The following HOGA1 variants were observed in gnomAD, a reference collection of about 807,000 sequenced individuals.
HOGA1 encodes 4-hydroxy-2-oxoglutarate aldolase, mitochondrial.
HOGA1 carries 30 observed loss-of-function variants against 34.3 expected under a neutral mutation model. The ratio of observed to expected loss-of-function variants is 0.87; its 90% CI spans 0.65 to 1.19. The LOEUF (loss-of-function observed/expected upper bound fraction) is 1.19. Among genes scored for constraint, HOGA1 ranks in the 50% most tolerant of loss-of-function variants. The pLI is 0.00. For synonymous variants in HOGA1, 161 were observed against 174.0 expected (o/e 0.93, Z 0.59); for missense variants, 417 against 436.5 (o/e 0.96, Z 0.40).
chr10:97,586,648 G>A (rs1385647089), intron 1 of HOGA1, among the ~76,000 whole-genome samples: 3 of 152,092 alleles, frequency 2.0e-5, no homozygotes, highest in Non-Finnish European at 4.4e-5. Flanking sequence ...GGGTGGGGAG[G>A]GTGGACTTTG....
chr10:97,590,038 G>C, intron 1 of HOGA1: 1 of 1,614,174 alleles, frequency 6.2e-7, no homozygotes, highest in Non-Finnish European at 8.5e-7. Flanking sequence ...AAGAGAAGCT[G>C]GCCCTCGACA....
intron 1 of HOGA1, among the ~76,000 whole-genome samples, chr10:97,593,050 A>AAAAGAAAAAAAAAAAAAAAAAAAC (rs2041040287): frequency 6.6e-6 from 1 of 150,790 alleles, no homozygotes; most frequent in Admixed American, 6.6e-5. Flanking sequence ...AAAAAAAAAA[A>AAAAGAAAAAAAAAAAAAAAAAAAC]AGAGAATGGT....
chr10:97,601,823 C>A, intron 5 of HOGA1, 34 bp from the exon 6 acceptor site: 1 of 1,611,828 alleles, frequency 6.2e-7, no homozygotes, highest in Non-Finnish European at 8.5e-7. Flanking sequence ...AGGGGAGAGG[C>A]TCTGGCTGAT....
Position 97,611,390 on chromosome 10 carries a change from A to G in HOGA1, c.835-120A>G, listed in dbSNP as rs1124116. 342,537 of 1,136,276 alleles carry G rather than the reference A, an allele frequency of 0.3. 54,591 individuals carry two copies. Among genetic ancestry groups the G allele is most frequent in the African/African-American group, 0.49 (32,608 of 65,958 alleles). 70.4% of individuals were successfully genotyped at this position (1,136,276 alleles called of 1,614,324 possible). A position where few individuals can be genotyped will look rare whatever the true frequency, so the allele number is the denominator to read the frequency against. On this transcript the variant is annotated intron_variant, in intron 6 of 6. Transcript: ENST00000370646. The stretch of plus-strand genomic sequence containing the variant: ...GTACCCTGGGTGCCATAGAGTTGGC[A>G]GTTACTTTCCTGGGGGAAGAGGGTA...
chr10:97,588,018 C>T (rs1405628881), intron 1 of HOGA1, among the ~76,000 whole-genome samples: 2 of 150,564 alleles, frequency 1.3e-5, no homozygotes, highest in African/African-American at 4.9e-5. Flanking sequence ...TGCCGTGTTG[C>T]CCAGGCTGAT....
chr10:97,591,817 T>TTC (rs150558450), intron 1 of HOGA1, among the ~76,000 whole-genome samples: 1 of 111,056 alleles, frequency 9.0e-6, no homozygotes, highest in Non-Finnish European at 1.8e-5. Context: ...TTCTTTCATT[T>TTC]TGTGTGTGTG....
chr10:97,585,689 C>T (rs2040964541), intron 1 of HOGA1, among the ~76,000 whole-genome samples: 1 of 152,226 alleles, frequency 6.6e-6, no homozygotes, highest in African/African-American at 2.4e-5. Context: ...AGGTTTGCAC[C>T]TCGTCTGACT....
chr10:97,594,646 C>G (rs1011999575), intron 1 of HOGA1, among the ~76,000 whole-genome samples: 3 of 151,670 alleles, frequency 2.0e-5, no homozygotes, highest in Admixed American at 6.6e-5. Flanking sequence ...AACCATTGTG[C>G]CTGGCCTAAT....
chr10:97,587,516 CT>C (rs950894935), intron 1 of HOGA1, among the ~76,000 whole-genome samples: 32 of 148,900 alleles, frequency 2.1e-4, no homozygotes, highest in Non-Finnish European at 3.7e-4. Context: ...AACTGTGTAG[CT>C]TTTTTTTTTG....
chr10:97,603,391 T>G lies in HOGA1; in HGVS notation c.834+1401T>G, dbSNP rs2041134484. Among the ~76,000 whole-genome samples, 1 of 151,880 alleles carries G rather than the reference T, an allele frequency of 6.6e-6. No individual in the cohort carries two copies. Among genetic ancestry groups the G allele is most frequent in the African/African-American group, 2.4e-5 (1 of 41,374 alleles). ...CCTGGGCTTAAGCAATCTTTTTAAT[T>G]TTTTATTTTTATTTTTGTAGAGATG... On this transcript the variant is annotated intron_variant, in intron 6 of 6. Coordinates refer to ENST00000370646, the MANE Select transcript of HOGA1 (RefSeq NM_138413.4). The surrounding 1 kb of genome is among the most constrained non-coding windows in gnomAD (Gnocchi z 4.5).
At chr10:97,604,397 A>T (rs974213421) in intron 6 of HOGA1, among the ~76,000 whole-genome samples, 2 of 152,136 alleles carry the variant, frequency 1.3e-5, no homozygotes, top group African/African-American at 4.8e-5. Context: ...ATCATTGCTC[A>T]TTGCAGCCTC....
rs769474578 is a variant in HOGA1 at position 97,611,615 on chromosome 10, G to C, written c.940G>C (p.Glu314Gln). The C allele has an allele frequency of 4.3e-6, 7 of 1,614,072 alleles. 1 individual carries two copies. In the South Asian group the frequency reaches 7.7e-5, roughly 18 times the overall value. Reference sequence around the variant, plus strand: ...CTTGCAGGAGCTGAGCCCCGCTGAGGAGGAGGCACTGCGCATGGATTTCAC... The same window carrying C: ...CTTGCAGGAGCTGAGCCCCGCTGAGCAGGAGGCACTGCGCATGGATTTCAC... Reference protein sequence around the residue: ...APLQELSPAEEEALRMDFTSN... With the variant: ...APLQELSPAEQEALRMDFTSN... The change falls in exon 7 of 7, where the codon GAG (glutamate) becomes CAG (glutamine). Residue 314 changes from glutamate to glutamine, a missense_variant. By Grantham distance (29) the Glu-to-Gln change is conservative. Coordinates refer to ENST00000370646, the MANE Select transcript of HOGA1 (RefSeq NM_138413.4).
At chr10:97,604,596 C>T (rs1389830101) in intron 6 of HOGA1, among the ~76,000 whole-genome samples, 1 of 151,482 alleles carries the variant, frequency 6.6e-6, no homozygotes, top group Non-Finnish European at 1.5e-5. Flanking sequence ...GCTGGGATTA[C>T]AGGCATGAGC....
intron 1 of HOGA1, among the ~76,000 whole-genome samples, chr10:97,593,594 T>G (rs1214114287): frequency 7.2e-5 from 11 of 152,182 alleles, no homozygotes; most frequent in Admixed American, 7.2e-4. Flanking sequence ...TGCAAAAAAC[T>G]TTGGCCGCAG....
At chr10:97,592,202 G>T (rs1298867906) in intron 1 of HOGA1, among the ~76,000 whole-genome samples, 1 of 151,114 alleles carries the variant, frequency 6.6e-6, no homozygotes, top group Non-Finnish European at 1.5e-5. Context: ...ATTATCATTG[G>T]TGGAGGCTGG....
rs1457004060 is a variant in HOGA1 at position 97,600,144 on chromosome 10, G to C, written c.681G>C (p.Leu227=). ...FQVLAGSAGF[L]MASYALGAVG... ...TGTTGGCTGGATCGGCTGGCTTTCT[G>C]ATGGCCAGCTATGCCTTGGGTAGGC... The change falls in exon 5 of 7, where the codon CTG becomes CTC. Residue 227 remains leucine (L), a synonymous_variant. Transcript: ENST00000370646. 4 of 1,614,124 alleles carry C rather than the reference G, an allele frequency of 2.5e-6. No individual in the cohort carries two copies. The South Asian group carries it at 3.3e-5, about 13-fold the overall frequency.
chr10:97,610,804 AT>A (rs981360002), intron 6 of HOGA1, among the ~76,000 whole-genome samples: 20 of 151,060 alleles, frequency 1.3e-4, no homozygotes, highest in Non-Finnish European at 8.9e-5. Flanking sequence ...TCTCAAAAAA[AT>A]AAATAAATAA....
At chr10:97,592,769 CTG>C (rs1024946772) in intron 1 of HOGA1, among the ~76,000 whole-genome samples, 1 of 151,816 alleles carries the variant, frequency 6.6e-6, no homozygotes, top group African/African-American at 2.4e-5. Flanking sequence ...TGACTCCTGT[CTG>C]TAATCCCTGC....
intron 1 of HOGA1, chr10:97,590,531 A>G: frequency 6.2e-7 from 1 of 1,612,340 alleles, no homozygotes; most frequent in Middle Eastern, 1.9e-4. Flanking sequence ...TGGCCACCCA[A>G]GCCACCAGAG....
Sources: allele counts gnomAD v4.1 joint callset (sites outside exome capture counted in the v4.1 genomes callset), GRCh38; gene constraint gnomAD v4.1.1; non-coding constraint Gnocchi (gnomAD v3.1); transcripts MANE v1.5; gene names NCBI Gene and HGNC (gene_info 2026-07-23, HGNC 2026-07-21).